Variants in ROBO2 observed in about 807,000 individuals in gnomAD.
The protein encoded by ROBO2 is roundabout guidance receptor 2, also known as roundabout homolog 2.
In ROBO2, 53 loss-of-function variants were observed where a neutral mutation model predicts 160.8. The observed-to-expected ratio is 0.33, with a 90% confidence interval of 0.26 to 0.41. The LOEUF (loss-of-function observed/expected upper bound fraction) is 0.41, where lower values mean the gene tolerates loss of function less well. Ranked by LOEUF, ROBO2 falls within the 10% of genes least tolerant of loss-of-function variation. ROBO2 has a pLI of 1.00. For synonymous variants in ROBO2, 664 were observed against 611.7 expected, an observed-to-expected ratio of 1.09 and a Z score of -1.26; for missense variants, 1,577 against 1,722.4, an observed-to-expected ratio of 0.92 and a Z score of 1.49.
chr3:75,952,898 T>C (rs1490484056), intron 2 of ROBO2, among the ~76,000 whole-genome samples: 2 of 151,982 alleles, frequency 1.3e-5, no homozygotes, highest in African/African-American at 4.8e-5. Context: ...ACATGGTATG[T>C]AGACTTTTCA....
chr3:76,904,924 T>C (rs1211739965), intron 2 of ROBO2, among the ~76,000 whole-genome samples: 1 of 135,302 alleles, frequency 7.4e-6, no homozygotes, highest in East Asian at 2.1e-4. Context: ...TTCTCCAAAC[T>C]GCATAGTTTC....
intron 2 of ROBO2, among the ~76,000 whole-genome samples, chr3:75,972,305 G>A (rs2065019721): frequency 6.6e-6 from 1 of 151,688 alleles, no homozygotes; most frequent in Non-Finnish European, 1.5e-5. Context: ...GGAGTGCAAA[G>A]TTAAGAAAGT....
intron 2 of ROBO2, among the ~76,000 whole-genome samples, chr3:76,760,526 T>A (rs1038203829): frequency 6.6e-6 from 1 of 151,786 alleles, no homozygotes; most frequent in African/African-American, 2.4e-5. Context: ...CTAATCACCA[T>A]GCAATCTGGG....
At chr3:75,975,226 G>T (rs1297460146) in intron 2 of ROBO2, among the ~76,000 whole-genome samples, 2 of 151,238 alleles carry the variant, frequency 1.3e-5, no homozygotes, top group South Asian at 2.1e-4. Context: ...GGGTAAATAA[G>T]GTCTGCCACA....
intron 2 of ROBO2, among the ~76,000 whole-genome samples, chr3:76,537,797 G>T (rs1277618594): frequency 6.6e-6 from 1 of 152,108 alleles, no homozygotes; most frequent in Non-Finnish European, 1.5e-5. Flanking sequence ...GGGAGATAGG[G>T]GAGGGGCAGC....
intron 23 of ROBO2, among the ~76,000 whole-genome samples, chr3:77,624,051 T>C (rs1205832763): frequency 6.6e-6 from 1 of 152,204 alleles, no homozygotes; most frequent in Non-Finnish European, 1.5e-5. Flanking sequence ...ATGAAGCTTT[T>C]ATTGCTGAGA....
intron 1 of ROBO2, among the ~76,000 whole-genome samples, chr3:75,929,481 A>G (rs1424541056): frequency 6.6e-6 from 1 of 152,172 alleles, no homozygotes; most frequent in Non-Finnish European, 1.5e-5. Context: ...TTGTTGCTCT[A>G]GCTTTCATAA....
intron 2 of ROBO2, among the ~76,000 whole-genome samples, chr3:77,251,830 C>T (rs2090386532): frequency 6.6e-6 from 1 of 152,122 alleles, no homozygotes; most frequent in Admixed American, 6.5e-5. Context: ...TCGCCGTCCA[C>T]CCTGATTGTG....
Position 76,491,763 on chromosome 3 carries a change from C to T in ROBO2, c.109+554161C>T, listed in dbSNP as rs192976527. Among the ~76,000 whole-genome samples, 11 of 152,218 alleles carry T rather than the reference C, an allele frequency of 7.2e-5. No individual in the cohort carries two copies. The East Asian group carries it at 1.7e-3, about 24-fold the overall frequency. ...TTATATTCTCCCCTCTTTTCCCTCT[C>T]CTCAGTACTTTGTAGGTTGTGGGAC... On this transcript the variant is annotated intron_variant, in intron 2 of 26. Transcript: ENST00000487694.
intron 2 of ROBO2, among the ~76,000 whole-genome samples, chr3:76,570,352 G>A (rs1395453156): frequency 1.3e-5 from 2 of 152,158 alleles, no homozygotes; most frequent in Admixed American, 6.5e-5. Flanking sequence ...TTAAAACAGA[G>A]AGGATAAATC....
At chr3:76,184,354 G>A (rs1308290400) in intron 2 of ROBO2, among the ~76,000 whole-genome samples, 1 of 152,126 alleles carries the variant, frequency 6.6e-6, no homozygotes, top group East Asian at 1.9e-4. Context: ...AGAGAAGACA[G>A]AAGTATGCAA....
intron 2 of ROBO2, among the ~76,000 whole-genome samples, chr3:77,290,449 G>T: frequency 9.1e-5 from 1 of 10,950 alleles, no homozygotes; most frequent in African/African-American, 1.8e-4. Flanking sequence ...ACATAAAGTA[G>T]AATTGATGTT....
chr3:76,049,802 T>C (rs1172205154), intron 2 of ROBO2, among the ~76,000 whole-genome samples: 2 of 152,094 alleles, frequency 1.3e-5, no homozygotes, highest in African/African-American at 2.4e-5. Flanking sequence ...CTGCTACAAA[T>C]TTTTCACTCC....
At chr3:77,291,278 A>G (rs2061208588) in intron 2 of ROBO2, among the ~76,000 whole-genome samples, 2 of 152,082 alleles carry the variant, frequency 1.3e-5, no homozygotes, top group South Asian at 4.1e-4. Flanking sequence ...AGGCTAGATC[A>G]CCCCAGACAT....
chr3:77,037,485 A>T (rs571055880), upstream of ROBO2, among the ~76,000 whole-genome samples: 66 of 152,208 alleles, frequency 4.3e-4, no homozygotes, highest in Non-Finnish European at 6.9e-4. Flanking sequence ...GGTAAAAAAA[A>T]TGCCAATATA....
intron 2 of ROBO2, among the ~76,000 whole-genome samples, chr3:77,191,293 A>C (rs1307283820): frequency 1.3e-5 from 2 of 152,062 alleles, no homozygotes; most frequent in African/African-American, 4.8e-5. Context: ...TAATGTGAGC[A>C]CCTTAATTTT....
In ROBO2 at chr3:77,303,007, T is replaced by G. The variant is rs183364257; in HGVS notation, c.389-174407T>G. 2.1e-3 allele frequency among the ~76,000 whole-genome samples: 321 copies of G among 152,298 alleles called. 1 individual carries two copies. Among genetic ancestry groups the G allele is most frequent in the Non-Finnish European group, 3.5e-3 (238 of 68,024 alleles). On this transcript the variant is annotated intron_variant, in intron 2 of 25. Transcript: ENST00000461745. ...CTTTGAATAGAAAAACACACTAATATTTATTTCCTTAATATGTGCACATCA... is the reference window on the plus strand; with the variant it reads ...CTTTGAATAGAAAAACACACTAATAGTTATTTCCTTAATATGTGCACATCA...
At chr3:76,481,422 T>C (rs905858472) in intron 2 of ROBO2, among the ~76,000 whole-genome samples, 2 of 152,144 alleles carry the variant, frequency 1.3e-5, no homozygotes, top group African/African-American at 2.4e-5. Context: ...AAGAAGACAC[T>C]GAGCAACTGG....
chr3:75,910,997 CTT>C (rs1210934121), intron 1 of ROBO2, among the ~76,000 whole-genome samples: 2 of 151,514 alleles, frequency 1.3e-5, no homozygotes, highest in Non-Finnish European at 2.9e-5. Flanking sequence ...CAAATATACA[CTT>C]ATAAGCTATA....
Sources: gnomAD v4.1 joint callset for allele counts (sites outside exome capture counted in the v4.1 genomes callset) on GRCh38, gnomAD v4.1.1 for gene constraint, MANE v1.5 for transcripts, NCBI Gene and HGNC (gene_info 2026-07-23, HGNC 2026-07-21) for gene names.